Variants in FRMPD4 observed in about 807,000 individuals in gnomAD.
The protein encoded by FRMPD4 is FERM and PDZ domain containing 4.
In FRMPD4, 22 loss-of-function variants were observed where a neutral mutation model predicts 94.1. The ratio of observed to expected loss-of-function variants is 0.23; its 90% CI spans 0.17 to 0.33. The LOEUF (loss-of-function observed/expected upper bound fraction) is 0.33. FRMPD4 is among the 10% of genes least tolerant of loss of function. The pLI is 1.00. For missense variants in FRMPD4, 1,111 were observed against 1,339.9 expected (o/e 0.83, Z 2.67); for synonymous variants, 631 against 548.6 (o/e 1.15, Z -2.10).
chrX:12,624,338 A>G (rs1263837481), intron 4 of FRMPD4, among the ~76,000 whole-genome samples: 1 of 112,511 alleles, frequency 8.9e-6, no homozygotes, highest in Non-Finnish European at 1.9e-5. Context: ...TTGTTAATGA[A>G]AATACAACAT....
intron 1 of FRMPD4, among the ~76,000 whole-genome samples, chrX:12,334,146 G>A (rs2055478127): frequency 8.9e-6 from 1 of 111,992 alleles, no homozygotes; most frequent in Non-Finnish European, 1.9e-5. Context: ...ATCACTATCT[G>A]CCTTACAGTG....
In FRMPD4 at chrX:12,207,143, T is replaced by A. The variant is rs762508935; in HGVS notation, c.41+68131T>A. Among the ~76,000 whole-genome samples, 4 of 111,967 alleles carry A rather than the reference T, an allele frequency of 3.6e-5. No individual in the cohort carries two copies. The East Asian group carries it at 1.1e-3, about 32-fold the overall frequency. ...CCATTTTCTTGAAGCTACATCTACA[T>A]GATAGGGAGAGAGCTATACCTTGTA... is the stretch of plus-strand genomic sequence containing the variant. On this transcript the variant is annotated intron_variant, in intron 1 of 16. Transcript: ENST00000675598.
chrX:12,131,122 G>T, intron 3 of FRMPD4, among the ~76,000 whole-genome samples: 1 of 111,929 alleles, frequency 8.9e-6, no homozygotes, highest in African/African-American at 3.3e-5. Flanking sequence ...GTGAGAGAGG[G>T]TGGGGTTAAA....
rs143476246 is a variant in FRMPD4, at chrX:12,362,770, C to T, written c.42-135910C>T. On this transcript the variant is annotated intron_variant, in intron 1 of 16. Transcript: ENST00000675598. ...GGTATTTCTAGTTCTCGATCCTTGA[C>T]GAATCGCCACACTGTCTTCCACAAT... is the stretch of plus-strand genomic sequence containing the variant. Among the ~76,000 whole-genome samples the T allele has an allele frequency of 5.3e-3, 595 of 111,410 alleles. 7 individuals carry two copies. Among genetic ancestry groups the T allele is most frequent in the African/African-American group, 0.019 (575 of 30,439 alleles).
In FRMPD4 at chrX:12,723,177, A is replaced by G. The variant is rs1424345165; in HGVS notation, c.*1319A>G. 8.9e-6 allele frequency: 1 copy of G among 111,944 alleles called. No homozygotes were observed. The highest frequency in any genetic ancestry group is 9.5e-5 in the Admixed American group (1 of 10,539). 9.2% of individuals were successfully genotyped at this position (111,944 alleles called of 1,213,427 possible). A position where few individuals can be genotyped will look rare whatever the true frequency, so the allele number is the denominator to read the frequency against. ...TATTTGACCAGTTCAAGTGAAACCA[A>G]TGGAATGCAAAGAACTTTCCAGGAC... On this transcript the variant is annotated 3_prime_UTR_variant, in exon 17 of 17. Transcript: ENST00000675598.
At chrX:11,833,494 G>T (rs142810150) in intron 1 of FRMPD4, among the ~76,000 whole-genome samples, 2 of 111,749 alleles carry the variant, frequency 1.8e-5, no homozygotes, top group Non-Finnish European at 3.8e-5. Flanking sequence ...CTCCCCCATC[G>T]TCACCAGTAT....
chrX:12,007,860 A>G (rs989277466), intron 3 of FRMPD4, among the ~76,000 whole-genome samples: 1 of 112,270 alleles, frequency 8.9e-6, no homozygotes, highest in Admixed American at 9.4e-5. Context: ...ATATTGTTAC[A>G]TTCTTGGCAG....
At chrX:11,824,452 G>A (rs1289357607) in intron 1 of FRMPD4, among the ~76,000 whole-genome samples, 4 of 111,179 alleles carry the variant, frequency 3.6e-5, no homozygotes, top group African/African-American at 1.3e-4. Flanking sequence ...TTCATTGTAG[G>A]GATTGTCCTG....
intron 1 of FRMPD4, among the ~76,000 whole-genome samples, chrX:12,441,711 TG>T (rs2057139157): frequency 2.7e-5 from 3 of 112,323 alleles, no homozygotes; most frequent in Admixed American, 1.9e-4. Context: ...AAATGAATGG[TG>T]TAGTAGCAAA....
intron 3 of FRMPD4, among the ~76,000 whole-genome samples, chrX:11,982,965 G>C (rs1177310926): frequency 4.5e-5 from 5 of 111,614 alleles, no homozygotes; most frequent in Non-Finnish European, 9.4e-5. Flanking sequence ...TAGATCTCTT[G>C]TACCTTGGAA....
intron 1 of FRMPD4, among the ~76,000 whole-genome samples, chrX:12,427,698 A>C (rs2056961189): frequency 9.0e-6 from 1 of 110,933 alleles, no homozygotes; most frequent in African/African-American, 3.3e-5. Context: ...CCTCAAACCA[A>C]AAATCTGTTA....
intron 1 of FRMPD4, among the ~76,000 whole-genome samples, chrX:12,481,968 A>AAG (rs2057691398): frequency 2.0e-5 from 2 of 100,825 alleles, no homozygotes; most frequent in East Asian, 6.1e-4. Context: ...AAAAAAAAAA[A>AAG]AAAGAAAGTG....
chrX:12,595,801 T>C (rs1470087226), intron 2 of FRMPD4, among the ~76,000 whole-genome samples: 2 of 112,014 alleles, frequency 1.8e-5, no homozygotes, highest in Admixed American at 1.9e-4. Context: ...CACAGCAAAA[T>C]AGAATAAAAC....
chrX:12,574,042 C>A lies in FRMPD4; in HGVS notation c.159-35679C>A, dbSNP rs192470293. ...TTTTGAGACAGTCTCACGCTGTCAC[C>A]CAGGCTGGAGTGCAGTGGCATGGTC... On this transcript the variant is annotated intron_variant, in intron 2 of 16. Coordinates refer to ENST00000675598, the MANE Select transcript of FRMPD4 (RefSeq NM_001368397.1). Among the ~76,000 whole-genome samples the A allele has an allele frequency of 5.4e-4, 61 of 112,146 alleles. 1 individual carries two copies. The highest frequency in any genetic ancestry group is 1.8e-3 in the Admixed American group (19 of 10,615).
chrX:12,055,273 C>G (rs1239153678), intron 3 of FRMPD4, among the ~76,000 whole-genome samples: 1 of 111,789 alleles, frequency 8.9e-6, no homozygotes, highest in African/African-American at 3.3e-5. Context: ...TTTGCCTCCT[C>G]CAAATCTCAT....
intron 5 of FRMPD4, among the ~76,000 whole-genome samples, chrX:12,678,729 G>A (rs1453636534): frequency 8.9e-6 from 1 of 112,268 alleles, no homozygotes; most frequent in African/African-American, 3.2e-5. Context: ...GGAGGCTGAG[G>A]CAGGAGAATC....
chrX:12,207,893 C>T (rs1204197697), intron 1 of FRMPD4, among the ~76,000 whole-genome samples: 2 of 111,614 alleles, frequency 1.8e-5, no homozygotes, highest in African/African-American at 3.3e-5. Flanking sequence ...GAGGTGATAC[C>T]AGCTTCCTGG....
chrX:12,177,969 G>A (rs901259697), intron 1 of FRMPD4, among the ~76,000 whole-genome samples: 2 of 111,626 alleles, frequency 1.8e-5, no homozygotes, highest in African/African-American at 6.5e-5. Flanking sequence ...CTCTTGGCTT[G>A]CCTACTGCTG....
chrX:12,164,445 CGTT>C (rs1156888793), intron 1 of FRMPD4, among the ~76,000 whole-genome samples: 4 of 112,265 alleles, frequency 3.6e-5, no homozygotes, highest in African/African-American at 1.3e-4. Flanking sequence ...TCCAGTCTAT[CGTT>C]GTTGGACATT....
Sources: allele counts gnomAD v4.1 joint callset (sites outside exome capture counted in the v4.1 genomes callset), GRCh38; gene constraint gnomAD v4.1.1; transcripts MANE v1.5; gene names NCBI Gene and HGNC (gene_info 2026-07-23, HGNC 2026-07-21).